The following TFDP2 variants were observed in gnomAD, a reference collection of about 807,000 sequenced individuals.
TFDP2 encodes the protein transcription factor Dp-2 (E2F dimerization partner 2).
A neutral mutation model predicts 59.3 loss-of-function variants in TFDP2; 17 were observed. The ratio of observed to expected loss-of-function variants is 0.29; its 90% CI spans 0.20 to 0.43. The LOEUF (loss-of-function observed/expected upper bound fraction) is 0.43, where lower values mean the gene tolerates loss of function less well. Ranked by LOEUF, TFDP2 falls within the 20% of genes least tolerant of loss-of-function variation. The pLI, the probability that TFDP2 is intolerant of heterozygous loss-of-function variation, is 1.00. For synonymous variants in TFDP2, 180 were observed against 194.7 expected, an observed-to-expected ratio of 0.92 and a Z score of 0.63; for missense variants, 391 against 528.8, an observed-to-expected ratio of 0.74 and a Z score of 2.56.
At chr3:141,965,234 A>C (rs187523099) in intron 9 of TFDP2, among the ~76,000 whole-genome samples, 3 of 151,384 alleles carry the variant, frequency 2.0e-5, no homozygotes, top group Admixed American at 1.3e-4. Flanking sequence ...AGCTTGTTAT[A>C]ATCTTGTCAC....
chr3:141,964,058 T>C (rs1026688138), intron 9 of TFDP2, 95 bp from the exon 10 acceptor site: 12 of 1,238,550 alleles, frequency 9.7e-6, no homozygotes, highest in African/African-American at 1.5e-5. Flanking sequence ...AGTTTAAAAT[T>C]AGAGTTTAAA....
intron 3 of TFDP2, chr3:142,090,700 A>T (rs111689193): frequency 0.085 from 12,946 of 151,936 alleles, 696 homozygotes; most frequent in Middle Eastern, 0.14. Flanking sequence ...AGCTGGGATT[A>T]CAGACACCTG....
At chr3:142,078,074 G>C (rs1560119533) in intron 3 of TFDP2, among the ~76,000 whole-genome samples, 1 of 152,134 alleles carries the variant, frequency 6.6e-6, no homozygotes, top group South Asian at 2.1e-4. Context: ...GTGGTGGCTG[G>C]GGGAAAGACT....
Position 142,093,149 on chromosome 3 carries a change from G to C in TFDP2, c.16-22C>G, listed in dbSNP as rs1327319697. 9 of 1,505,314 alleles carry C rather than the reference G, an allele frequency of 6.0e-6. No homozygotes were observed. In the East Asian group the frequency reaches 7.4e-5, roughly 12 times the overall value. 93.2% of individuals were successfully genotyped at this position (1,505,314 alleles called of 1,614,324 possible). A position where few individuals can be genotyped will look rare whatever the true frequency, so the allele number is the denominator to read the frequency against. ...CAACCTGAATAAAACCGTTTAAAAA[G>C]TTAAAAATAGAATATTAAGTAGTAT... On this transcript the variant is annotated intron_variant, in intron 2 of 12. Coordinates refer to ENST00000489671, the MANE Select transcript of TFDP2 (RefSeq NM_001178139.2).
intron 3 of TFDP2, among the ~76,000 whole-genome samples, chr3:142,018,141 G>A (rs984732155): frequency 2.0e-4 from 31 of 151,610 alleles, no homozygotes; most frequent in Admixed American, 2.6e-4. Context: ...CAGGGGTCTC[G>A]TCATGCTGGC....
At chr3:142,045,865 C>T (rs557936003) in intron 3 of TFDP2, among the ~76,000 whole-genome samples, 12 of 151,842 alleles carry the variant, frequency 7.9e-5, no homozygotes, top group African/African-American at 2.2e-4. Context: ...TCAAGTGATC[C>T]GCCCACCTTG....
Position 142,115,610 on chromosome 3 carries a change from G to A in TFDP2, c.-92-13769C>T, listed in dbSNP as rs1468769553. On this transcript the variant is annotated intron_variant, in intron 1 of 12. Transcript: ENST00000489671. ...TGGGATTACAGGCGTGAGCCACCGC[G>A]CCCGGCCCATTCCATGCATTTTCAT... Among the ~76,000 whole-genome samples the A allele has an allele frequency of 4.6e-5, 7 of 152,276 alleles. No homozygotes were observed. The South Asian group carries it at 1.0e-3, about 23-fold the overall frequency.
rs1323623264 is a variant in TFDP2, at chr3:141,944,431, T to C, written c.*8082A>G. The C allele has an allele frequency of 6.6e-6, 1 of 152,214 alleles. No homozygotes were observed. Among genetic ancestry groups the C allele is most frequent in the East Asian group, 1.9e-4 (1 of 5,192 alleles). The allele number at this position is 152,214 out of a possible 1,614,324, so 9.4% of individuals were successfully genotyped here. A position where few individuals can be genotyped will look rare whatever the true frequency, so the allele number is the denominator to read the frequency against. ...CCCACTAGTAATGAGACTAACATTA[T>C]TTTAAAGTGTTTATTTTTTTCTATA... On this transcript the variant is annotated 3_prime_UTR_variant, in exon 13 of 13. Coordinates refer to ENST00000489671, the MANE Select transcript of TFDP2 (RefSeq NM_001178139.2).
rs558825055 is a variant in TFDP2, at chr3:141,949,488, G to C, written c.*3025C>G. 1 of 152,644 alleles carries C rather than the reference G, an allele frequency of 6.6e-6. No homozygotes were observed. The highest frequency in any genetic ancestry group is 1.9e-4 in the East Asian group (1 of 5,188). The allele number at this position is 152,644 out of a possible 1,614,324, so 9.5% of individuals were successfully genotyped here. A position where few individuals can be genotyped will look rare whatever the true frequency, so the allele number is the denominator to read the frequency against. ...CACGTGGAGGACACAGACTGACAGCGGGGAAGAGGAAGGCAGCCTAGTAGG... is the reference window on the plus strand; with the variant it reads ...CACGTGGAGGACACAGACTGACAGCCGGGAAGAGGAAGGCAGCCTAGTAGG... On this transcript the variant is annotated 3_prime_UTR_variant, in exon 13 of 13. Coordinates refer to ENST00000489671, the MANE Select transcript of TFDP2 (RefSeq NM_001178139.2).
In TFDP2 at chr3:142,082,866, AC is replaced by A. The variant is rs149454052; in HGVS notation, c.82+10194del. Among the ~76,000 whole-genome samples the A allele has an allele frequency of 8.6e-3, 1,304 of 152,318 alleles. 16 individuals are homozygous for A. The highest frequency in any genetic ancestry group is 0.026 in the African/African-American group (1,096 of 41,574). On this transcript the variant is annotated intron_variant, in intron 3 of 12. Coordinates refer to ENST00000489671, the MANE Select transcript of TFDP2 (RefSeq NM_001178139.2). ...AAAAAACTGGGTACAGAAGGAACGT[AC>A]CTCAACATAATAAAAGGCATACATG...
intron 3 of TFDP2, among the ~76,000 whole-genome samples, chr3:142,086,867 G>C (rs913341893): frequency 1.3e-5 from 2 of 152,156 alleles, no homozygotes; most frequent in African/African-American, 4.8e-5. Flanking sequence ...AGTCCACCAA[G>C]GGTCACCTCA....
chr3:142,075,949 G>C (rs1447606414), intron 3 of TFDP2, among the ~76,000 whole-genome samples: 2 of 146,310 alleles, frequency 1.4e-5, no homozygotes, highest in East Asian at 4.0e-4. Context: ...GGTGGCTCAC[G>C]CCTGTAGTCC....
intron 3 of TFDP2, among the ~76,000 whole-genome samples, chr3:142,024,742 G>A (rs1184959015): frequency 6.6e-6 from 1 of 152,010 alleles, no homozygotes; most frequent in Non-Finnish European, 1.5e-5. Context: ...ATTTAAGACC[G>A]GGTGCAATGG....
chr3:142,100,289 C>G (rs2061280534), intron 2 of TFDP2, among the ~76,000 whole-genome samples: 1 of 152,218 alleles, frequency 6.6e-6, no homozygotes, highest in Non-Finnish European at 1.5e-5. Flanking sequence ...AAGCACTAGT[C>G]AACATCAGAC....
intron 3 of TFDP2, among the ~76,000 whole-genome samples, chr3:142,073,312 G>C (rs186721782): frequency 1.3e-5 from 2 of 152,088 alleles, no homozygotes; most frequent in African/African-American, 2.4e-5. Flanking sequence ...CTGATAGTAG[G>C]AGAAACTGAG....
At chr3:141,964,540 T>A (rs1324831830) in intron 9 of TFDP2, among the ~76,000 whole-genome samples, 1 of 152,086 alleles carries the variant, frequency 6.6e-6, no homozygotes, top group Non-Finnish European at 1.5e-5. Flanking sequence ...TAGTCCCAGC[T>A]ACCCAGGAGG....
chr3:142,000,287 T>C, intron 4 of TFDP2: 1 of 702,878 alleles, frequency 1.4e-6, no homozygotes, highest in East Asian at 2.7e-5. Flanking sequence ...AAAATGAAAG[T>C]GCCGGCAGAT....
chr3:142,074,683 C>T (rs1235125295), intron 3 of TFDP2, among the ~76,000 whole-genome samples: 1 of 151,872 alleles, frequency 6.6e-6, no homozygotes, highest in Non-Finnish European at 1.5e-5. Flanking sequence ...GAAACCTGGA[C>T]TCTACTAAAA....
intron 6 of TFDP2, among the ~76,000 whole-genome samples, chr3:141,981,455 T>C (rs1267968550): frequency 1.3e-5 from 2 of 152,226 alleles, no homozygotes; most frequent in African/African-American, 4.8e-5. Context: ...TTACATGTTC[T>C]ATGTTATGTA....
Sources: allele counts gnomAD v4.1 joint callset (sites outside exome capture counted in the v4.1 genomes callset), GRCh38; gene constraint gnomAD v4.1.1; transcripts MANE v1.5; gene names NCBI Gene and HGNC (gene_info 2026-07-23, HGNC 2026-07-21).